The following ERBB4 variants were observed in gnomAD, a reference collection of about 807,000 sequenced individuals.
ERBB4 encodes receptor tyrosine-protein kinase erbB-4.
In ERBB4, 42 loss-of-function variants were observed where a neutral mutation model predicts 158.0. The observed-to-expected ratio is 0.27, with a 90% CI of 0.21 to 0.34. The LOEUF (loss-of-function observed/expected upper bound fraction) is 0.34, where lower values mean the gene tolerates loss of function less well. ERBB4 is among the 10% of genes least tolerant of loss of function. The pLI, the probability that ERBB4 is intolerant of heterozygous loss-of-function variation, is 1.00. For synonymous variants in ERBB4, 583 were observed against 558.7 expected, an observed-to-expected ratio of 1.04 and a Z score of -0.61; for missense variants, 1,333 against 1,624.1, an observed-to-expected ratio of 0.82 and a Z score of 3.08.
intron 9 of ERBB4, among the ~76,000 whole-genome samples, chr2:211,708,828 C>T (rs527670905): frequency 8.5e-5 from 13 of 152,130 alleles, no homozygotes; most frequent in Non-Finnish European, 1.6e-4. Flanking sequence ...TTGGAGGAAA[C>T]CTAGTGTTTG....
chr2:211,483,342 G>T (rs1167212707), intron 20 of ERBB4, among the ~76,000 whole-genome samples: 1 of 151,812 alleles, frequency 6.6e-6, no homozygotes, highest in Non-Finnish European at 1.5e-5. Context: ...TAAATCCACA[G>T]ATCCAAGTAA....
intron 2 of ERBB4, among the ~76,000 whole-genome samples, chr2:211,994,914 A>G (rs767065351): frequency 6.6e-6 from 1 of 152,210 alleles, no homozygotes; most frequent in Non-Finnish European, 1.5e-5. Context: ...CTGAACATCT[A>G]AAATTATAGA....
intron 1 of ERBB4, among the ~76,000 whole-genome samples, chr2:212,374,656 G>A (rs2090259444): frequency 6.6e-6 from 1 of 151,888 alleles, no homozygotes; most frequent in African/African-American, 2.4e-5. Flanking sequence ...GGAAGAACTA[G>A]AGTGCCATAA....
At chr2:212,439,164 CT>C (rs2092200021) in intron 1 of ERBB4, among the ~76,000 whole-genome samples, 1 of 152,096 alleles carries the variant, frequency 6.6e-6, no homozygotes, top group African/African-American at 2.4e-5. Flanking sequence ...CAAGTCCTTG[CT>C]GAGATAGGCT....
chr2:211,880,883 T>A (rs916049147), intron 3 of ERBB4, among the ~76,000 whole-genome samples: 1 of 152,180 alleles, frequency 6.6e-6, no homozygotes, highest in African/African-American at 2.4e-5. Flanking sequence ...ATATTCATCT[T>A]GTTTGTGCCC....
intron 3 of ERBB4, among the ~76,000 whole-genome samples, chr2:211,889,886 C>T (rs2078917134): frequency 6.8e-6 from 1 of 147,062 alleles, no homozygotes; most frequent in Admixed American, 6.8e-5. Flanking sequence ...GCAAAGCCTC[C>T]AAGAAATATG....
intron 23 of ERBB4, among the ~76,000 whole-genome samples, chr2:211,423,345 C>T (rs569940822): frequency 3.5e-4 from 53 of 152,028 alleles, no homozygotes; most frequent in African/African-American, 1.2e-3. Flanking sequence ...TCCAAAGTCT[C>T]TTATTAATAA....
chr2:212,489,502 A>T (rs1193315448), intron 1 of ERBB4, among the ~76,000 whole-genome samples: 1 of 152,010 alleles, frequency 6.6e-6, no homozygotes, highest in Non-Finnish European at 1.5e-5. Context: ...CCTCAAGTCC[A>T]TTAAATCAGA....
At chr2:211,573,634 C>A (rs1383232102) in intron 19 of ERBB4, among the ~76,000 whole-genome samples, 1 of 152,164 alleles carries the variant, frequency 6.6e-6, no homozygotes, top group East Asian at 1.9e-4. Context: ...GGTGTCACTG[C>A]ACTCCAGCCT....
chr2:212,262,900 G>C (rs899412165), intron 1 of ERBB4, among the ~76,000 whole-genome samples: 3 of 152,142 alleles, frequency 2.0e-5, no homozygotes, highest in African/African-American at 7.2e-5. Context: ...GGAATCTCCT[G>C]ATACATTCAT....
chr2:211,716,354 C>A (rs557881309), intron 7 of ERBB4, among the ~76,000 whole-genome samples: 1 of 85,272 alleles, frequency 1.2e-5, no homozygotes, highest in African/African-American at 5.7e-5. Context: ...AACAGTGAAA[C>A]TCTGTCTCAA....
At chr2:211,797,129 AT>A (rs1020820625) in intron 3 of ERBB4, among the ~76,000 whole-genome samples, 2 of 151,868 alleles carry the variant, frequency 1.3e-5, no homozygotes, top group Non-Finnish European at 2.9e-5. Context: ...AAGCTCACAT[AT>A]TTTTATTCCT....
intron 12 of ERBB4, among the ~76,000 whole-genome samples, chr2:211,683,562 ATTTG>A (rs1430224654): frequency 6.6e-6 from 1 of 152,094 alleles, no homozygotes; most frequent in Admixed American, 6.6e-5. Flanking sequence ...GGTTACTACA[ATTTG>A]TTTATCTATT....
chr2:212,458,131 A>G (rs1688391426), intron 1 of ERBB4, among the ~76,000 whole-genome samples: 1 of 152,108 alleles, frequency 6.6e-6, no homozygotes, highest in Admixed American at 6.6e-5. Context: ...TATGTGTCAT[A>G]TACTTTGCCA....
chr2:211,530,385 AG>A (rs2066462850), intron 20 of ERBB4, among the ~76,000 whole-genome samples: 1 of 152,152 alleles, frequency 6.6e-6, no homozygotes, highest in Non-Finnish European at 1.5e-5. Flanking sequence ...TTCATGAACC[AG>A]ATATTCAATA....
In ERBB4 at chr2:211,844,504, T is replaced by C. The variant is rs1198764093; in HGVS notation, c.422-56345A>G. On this transcript the variant is annotated intron_variant, in intron 3 of 27. Transcript: ENST00000342788. ...GATCAAAAGCTTTATTTCTCTCAGT[T>C]GAATTTTTGATTGCTAACCTAGTGG... 1.2e-4 allele frequency among the ~76,000 whole-genome samples: 18 copies of C among 152,314 alleles called. 1 individual carries two copies. The South Asian group carries it at 2.7e-3, about 23-fold the overall frequency.
intron 3 of ERBB4, among the ~76,000 whole-genome samples, chr2:211,836,900 G>T (rs1339877211): frequency 1.3e-5 from 2 of 151,850 alleles, no homozygotes; most frequent in Non-Finnish European, 2.9e-5. Context: ...AACATACAAA[G>T]GCACAATGGG....
In ERBB4 at chr2:211,542,691, T is replaced by C. The variant is rs1427966303; in HGVS notation, c.2487+19212A>G. 2.6e-5 allele frequency among the ~76,000 whole-genome samples: 4 copies of C among 151,888 alleles called. No individual in the cohort carries two copies. The South Asian group carries it at 6.2e-4, about 24-fold the overall frequency. On this transcript the variant is annotated intron_variant, in intron 20 of 27. Coordinates refer to ENST00000342788, the MANE Select transcript of ERBB4 (RefSeq NM_005235.3). ...CCAGGGGAATAAAATTTCCACCTAG[T>C]TTTTTGCATTTTTTTAATCTCCCAT...
intron 1 of ERBB4, among the ~76,000 whole-genome samples, chr2:212,378,773 A>C (rs1183606235): frequency 6.6e-6 from 1 of 151,896 alleles, no homozygotes; most frequent in Non-Finnish European, 1.5e-5. Context: ...GATCAAAATT[A>C]TATCATATGC....
Sources: gnomAD v4.1 joint callset for allele counts (sites outside exome capture counted in the v4.1 genomes callset) on GRCh38, gnomAD v4.1.1 for gene constraint, MANE v1.5 for transcripts, NCBI Gene and HGNC (gene_info 2026-07-23, HGNC 2026-07-21) for gene names.